The following PLEKHB2 variants were observed in gnomAD, a reference collection of about 807,000 sequenced individuals.
The protein encoded by PLEKHB2 is pleckstrin homology domain-containing family B member 2.
A neutral mutation model predicts 36.5 loss-of-function variants in PLEKHB2; 31 were observed. The observed-to-expected ratio is 0.85, with a 90% CI of 0.64 to 1.15. The LOEUF is 1.15. Among genes scored for constraint, PLEKHB2 ranks in the 50% most tolerant of loss-of-function variants. PLEKHB2 has a pLI of 0.00. For synonymous variants in PLEKHB2, 119 were observed against 112.0 expected (o/e 1.06, Z -0.39); for missense variants, 262 against 295.3 (o/e 0.89, Z 0.83).
At chr2:131,106,251 A>G (rs530267954) in intron 1 of PLEKHB2, among the ~76,000 whole-genome samples, 1 of 152,300 alleles carries the variant, frequency 6.6e-6, no homozygotes, top group South Asian at 2.1e-4. Context: ...TGGTTAATTC[A>G]AAATAATACT....
rs766474080 is a variant in PLEKHB2 at position 131,147,797 on chromosome 2, C to CAAAAAAAAA, written c.*1032_*1040dup. ...TGGGTGACAGAGTGAGACTCTGTCT[C>CAAAAAAAAA]AAAAAAAAAAAAAAAATCCTGGAGA... On this transcript the variant is annotated 3_prime_UTR_variant, in exon 8 of 8. Transcript: ENST00000693505. The CAAAAAAAAA allele has an allele frequency of 9.9e-6, 1 of 100,542 alleles. No homozygotes were observed. The allele number at this position is 100,542 out of a possible 1,614,324, so 6.2% of individuals were successfully genotyped here. A position where few individuals can be genotyped will look rare whatever the true frequency, so the allele number is the denominator to read the frequency against.
chr2:131,118,867 C>CAAAAA (rs138450500), intron 1 of PLEKHB2: 6 of 45,218 alleles, frequency 1.3e-4, no homozygotes, highest in African/African-American at 1.6e-4. Context: ...GATTCCGTCT[C>CAAAAA]AAAAAAAAAA....
intron 1 of PLEKHB2, among the ~76,000 whole-genome samples, chr2:131,106,069 C>T (rs1490198827): frequency 6.6e-6 from 1 of 152,148 alleles, no homozygotes; most frequent in South Asian, 2.1e-4. Flanking sequence ...TCTTACATAT[C>T]TCTCTTCATG....
intron 4 of PLEKHB2, among the ~76,000 whole-genome samples, chr2:131,128,964 T>G (rs550512034): frequency 6.8e-6 from 1 of 147,806 alleles, no homozygotes; most frequent in Non-Finnish European, 1.5e-5. Flanking sequence ...GCAAAGTGAA[T>G]GACAATGGTA....
At chr2:131,129,341 A>G (rs2872236) in intron 4 of PLEKHB2, among the ~76,000 whole-genome samples, 2 of 150,514 alleles carry the variant, frequency 1.3e-5, no homozygotes, top group Non-Finnish European at 3.0e-5. Flanking sequence ...AAAAAAAAAA[A>G]AAAAAAAAAA....
At chr2:131,141,022 G>A (rs1299362828) in intron 7 of PLEKHB2, among the ~76,000 whole-genome samples, 8 of 152,146 alleles carry the variant, frequency 5.3e-5, no homozygotes, top group African/African-American at 1.7e-4. Flanking sequence ...GAGTAGTCCC[G>A]GGCTGTGAGC....
chr2:131,117,296 ACACG>A (rs1335176608), intron 1 of PLEKHB2, among the ~76,000 whole-genome samples: 20 of 151,578 alleles, frequency 1.3e-4, no homozygotes, highest in Admixed American at 1.1e-3. Context: ...GTGTGATGGC[ACACG>A]CCCGTAATTC....
intron 1 of PLEKHB2, among the ~76,000 whole-genome samples, chr2:131,107,128 C>G (rs1328467720): frequency 6.6e-6 from 1 of 152,182 alleles, no homozygotes; most frequent in Non-Finnish European, 1.5e-5. Context: ...CTCTGCCTGC[C>G]TTCTTACTGT....
At chr2:131,113,741 C>T (rs148845823) in intron 1 of PLEKHB2, among the ~76,000 whole-genome samples, 6 of 152,270 alleles carry the variant, frequency 3.9e-5, no homozygotes, top group East Asian at 3.9e-4. Flanking sequence ...TTGACTTTCA[C>T]GGACTATATT....
At chr2:131,132,391 C>G (rs1002515516) in intron 5 of PLEKHB2, among the ~76,000 whole-genome samples, 1 of 152,078 alleles carries the variant, frequency 6.6e-6, no homozygotes, top group Non-Finnish European at 1.5e-5. Context: ...ACTGCAGTCT[C>G]GAGCTCCTGG....
intron 7 of PLEKHB2, among the ~76,000 whole-genome samples, chr2:131,142,999 C>G (rs1198161246): frequency 1.3e-5 from 2 of 152,162 alleles, no homozygotes; most frequent in Non-Finnish European, 2.9e-5. Flanking sequence ...AACCGTACTT[C>G]AGGTACTCCT....
chr2:131,140,104 A>C, intron 6 of PLEKHB2, 63 bp from the exon 7 acceptor site: 1 of 993,252 alleles, frequency 1.0e-6, no homozygotes, highest in South Asian at 1.5e-5. Flanking sequence ...CCTGGAGACC[A>C]CAATTTTAAT....
chr2:131,144,493 C>T, intron 7 of PLEKHB2: 1 of 725,224 alleles, frequency 1.4e-6, no homozygotes, highest in South Asian at 7.0e-5. Context: ...CTATAGTCCT[C>T]CCATCCTCCC....
intron 2 of PLEKHB2, among the ~76,000 whole-genome samples, chr2:131,122,886 C>T (rs13405295): frequency 2.1e-3 from 327 of 152,308 alleles, no homozygotes; most frequent in African/African-American, 7.5e-3. Flanking sequence ...GCGGTCTCAA[C>T]GTCCCCATGG....
At chr2:131,135,371 C>T (rs1698135882) in intron 6 of PLEKHB2, among the ~76,000 whole-genome samples, 1 of 152,052 alleles carries the variant, frequency 6.6e-6, no homozygotes, top group South Asian at 2.1e-4. Context: ...CTGGTCGGCG[C>T]CTGTAAACTT....
intron 2 of PLEKHB2, among the ~76,000 whole-genome samples, 188 bp from the exon 3 acceptor site, chr2:131,125,565 C>T (rs923184828): frequency 2.0e-5 from 3 of 152,154 alleles, no homozygotes; most frequent in Non-Finnish European, 4.4e-5. Flanking sequence ...GAAGGCTGAG[C>T]ATGGTGGCAT....
At chr2:131,112,819 C>A (rs925190614) in intron 1 of PLEKHB2, among the ~76,000 whole-genome samples, 1 of 152,084 alleles carries the variant, frequency 6.6e-6, no homozygotes, top group Non-Finnish European at 1.5e-5. Context: ...AACAGTTAAC[C>A]CTGAGCGTGG....
rs376184923 is a variant in PLEKHB2, at chr2:131,123,861, C to A, written c.38-1892C>A. Among the ~76,000 whole-genome samples, 41 of 114,216 alleles carry A rather than the reference C, an allele frequency of 3.6e-4. No homozygotes were observed. The Admixed American group carries it at 4.2e-3, about 12-fold the overall frequency. 74.9% of individuals were successfully genotyped at this position (114,216 alleles called of 152,430 possible). ...CTGTGCCTGGCTTTTTTTTTTTTTT[C>A]TTTTTAAGACAGGGTCTTGCTCTGT... On this transcript the variant is annotated intron_variant, in intron 2 of 7. Coordinates refer to ENST00000693505, the MANE Select transcript of PLEKHB2 (RefSeq NM_001100623.2).
chr2:131,146,607 C>G (rs373923331), intron 7 of PLEKHB2, 30 bp from the exon 8 acceptor site: 323 of 1,593,594 alleles, frequency 2.0e-4, no homozygotes, highest in Non-Finnish European at 2.7e-4. Context: ...AACCGCTGCT[C>G]AGAAATCTGC....
Sources: gnomAD v4.1 joint callset for allele counts (sites outside exome capture counted in the v4.1 genomes callset) on GRCh38, gnomAD v4.1.1 for gene constraint, MANE v1.5 for transcripts, NCBI Gene and HGNC (gene_info 2026-07-23, HGNC 2026-07-21) for gene names.